RPA3: variants seen among roughly 807,000 people sequenced by gnomAD.
RPA3 encodes replication protein A 14 kDa subunit.
Under a neutral mutation model 13.7 loss-of-function variants are expected in RPA3, and 24 were observed. The observed-to-expected ratio is 1.75, with a 90% CI of 1.27 to 2.46. The LOEUF (loss-of-function observed/expected upper bound fraction) is 2.46. Ranked by LOEUF, RPA3 falls within the 30% of genes most tolerant of loss-of-function variation. The pLI, the probability that RPA3 is intolerant of heterozygous loss-of-function variation, is 0.00. For missense variants in RPA3, 183 were observed against 151.0 expected, an observed-to-expected ratio of 1.21 and a Z score of -1.11; for synonymous variants, 59 against 51.2, an observed-to-expected ratio of 1.15 and a Z score of -0.65.
intron 4 of RPA3, chr7:7,675,962 A>G (rs1445569490): frequency 2.6e-6 from 1 of 391,792 alleles, no homozygotes; most frequent in East Asian, 3.6e-5. Context: ...CATTTTCATA[A>G]AATCCTCTGT....
At chr7:7,697,220 G>A (rs1288082423) in intron 2 of RPA3, among the ~76,000 whole-genome samples, 1 of 152,120 alleles carries the variant, frequency 6.6e-6, no homozygotes, top group Non-Finnish European at 1.5e-5. Flanking sequence ...CTTTGCAACA[G>A]TCCTGATTGG....
intron 2 of RPA3, among the ~76,000 whole-genome samples, chr7:7,710,670 A>G (rs1364675560): frequency 6.6e-6 from 1 of 152,240 alleles, no homozygotes; most frequent in Non-Finnish European, 1.5e-5. Flanking sequence ...TGCAGTTACT[A>G]TACGACTCAG....
At chr7:7,717,048 C>T (rs1456013594) in intron 1 of RPA3, among the ~76,000 whole-genome samples, 1 of 149,452 alleles carries the variant, frequency 6.7e-6, no homozygotes, top group African/African-American at 2.5e-5. Flanking sequence ...CTTTTTCTTT[C>T]TTTCTTTTTT....
Position 7,640,615 on chromosome 7 carries a change from G to A in RPA3, c.-197C>T. 1.7e-6 allele frequency: 1 copy of A among 584,156 alleles called. No homozygotes were observed. Among genetic ancestry groups the A allele is most frequent in the Admixed American group, 3.1e-5 (1 of 32,698 alleles). The allele number at this position is 584,156 out of a possible 1,614,324, so 36.2% of individuals were successfully genotyped here. A position where few individuals can be genotyped will look rare whatever the true frequency, so the allele number is the denominator to read the frequency against. On this transcript the variant is annotated 5_prime_UTR_variant, in exon 5 of 8. Transcript: ENST00000223129. ...GGTGGAGAAGGGGCTGGATGAGTCC[G>A]GAAGTGGAGATTGGCTGCTTAGTGA...
Position 7,673,310 on chromosome 7 carries a change from TAGCAGCAGCAGCAGCAGCAGCAGCAGC to T in RPA3, c.-758+12493_-758+12519del. On this transcript the variant is annotated intron_variant, in intron 4 of 7. Transcript: ENST00000223129. ...CATTGTGTAATGTTTCTATTTCAGGTAGCAGCAGCAGCAGCAGCAGCAGCAGCAGCAGCAGCAGCAGCAGCAGCAGCA... is the reference window on the plus strand; with the variant it reads ...CATTGTGTAATGTTTCTATTTCAGGTAGCAGCAGCAGCAGCAGCAGCAGCA... 1.2e-3 allele frequency: 1,286 copies of T among 1,033,848 alleles called. 10 individuals carry two copies. The African/African-American group carries it at 0.017, about 14-fold the overall frequency. The allele number at this position is 1,033,848 out of a possible 1,614,324, so 64.0% of individuals were successfully genotyped here. A position where few individuals can be genotyped will look rare whatever the true frequency, so the allele number is the denominator to read the frequency against.
intron 4 of RPA3, among the ~76,000 whole-genome samples, chr7:7,647,333 G>A (rs1254356436): frequency 1.3e-5 from 2 of 152,114 alleles, no homozygotes; most frequent in African/African-American, 4.8e-5. Flanking sequence ...CTGAGGGTAT[G>A]GTTTGTCTAA....
At chr7:7,673,378 C>G (rs1445165439) in intron 4 of RPA3, 1 of 1,220,476 alleles carries the variant, frequency 8.2e-7, no homozygotes, top group East Asian at 2.6e-5. Flanking sequence ...AGCAATGTTT[C>G]ACTTCTTCAG....
Position 7,681,636 on chromosome 7 carries a change from A to C in RPA3, c.-758+4194T>G, listed in dbSNP as rs569256914. Among the ~76,000 whole-genome samples the C allele has an allele frequency of 7.9e-5, 12 of 152,244 alleles. No homozygotes were observed. In the South Asian group the frequency reaches 2.5e-3, roughly 32 times the overall value. On this transcript the variant is annotated intron_variant, in intron 4 of 7. Transcript: ENST00000223129. Reference sequence around the variant, plus strand: ...GTTGAAGTAATCCTCCAGGGTACTCATTTTACACAAAAACAAATTGCAGTT... The same window carrying C: ...GTTGAAGTAATCCTCCAGGGTACTCCTTTTACACAAAAACAAATTGCAGTT...
At chr7:7,642,343 G>A (rs1784993888) in intron 4 of RPA3, among the ~76,000 whole-genome samples, 1 of 151,050 alleles carries the variant, frequency 6.6e-6, no homozygotes, top group African/African-American at 2.4e-5. Flanking sequence ...TTGTTCAGAT[G>A]GGGCCTCGCC....
intron 4 of RPA3, among the ~76,000 whole-genome samples, chr7:7,663,811 A>G (rs1785536343): frequency 6.6e-6 from 1 of 152,192 alleles, no homozygotes; most frequent in South Asian, 2.1e-4. Flanking sequence ...ATGGATAGGA[A>G]TTACATGCAT....
Position 7,640,210 on chromosome 7 carries a change from C to CG in RPA3, c.99+109dup, listed in dbSNP as rs1001374543. On this transcript the variant is annotated intron_variant, in intron 5 of 7. Coordinates refer to ENST00000223129, the MANE Select transcript of RPA3 (RefSeq NM_002947.5). ...AGTTCCTTGTGCAAAATAAAGGAGTCGGGGGCGCAGTGATCGGAGGCTTTC... is the reference window on the plus strand; with the variant it reads ...AGTTCCTTGTGCAAAATAAAGGAGTCGGGGGGCGCAGTGATCGGAGGCTTTC... The CG allele has an allele frequency of 3.4e-6, 4 of 1,160,834 alleles. No homozygotes were observed. In the African/African-American group the frequency reaches 4.6e-5, roughly 13 times the overall value. 71.9% of individuals were successfully genotyped at this position (1,160,834 alleles called of 1,614,324 possible).
At chr7:7,695,281 C>G (rs1430997323) in intron 2 of RPA3, among the ~76,000 whole-genome samples, 1 of 152,126 alleles carries the variant, frequency 6.6e-6, no homozygotes, top group African/African-American at 2.4e-5. Flanking sequence ...CAACATTTTC[C>G]CCACCACAGT....
intron 6 of RPA3, chr7:7,638,371 T>C (rs1201227472): frequency 1.3e-5 from 2 of 153,634 alleles, no homozygotes; most frequent in African/African-American, 4.8e-5. Context: ...GTTTTAAGTA[T>C]GTTAAACATA....
intron 2 of RPA3, among the ~76,000 whole-genome samples, chr7:7,706,682 A>C (rs1248886546): frequency 3.3e-5 from 5 of 152,204 alleles, no homozygotes; most frequent in Admixed American, 3.3e-4. Flanking sequence ...TATTATTTCT[A>C]ACTCACAGAT....
At chr7:7,643,069 C>A (rs1234259680) in intron 4 of RPA3, among the ~76,000 whole-genome samples, 1 of 152,048 alleles carries the variant, frequency 6.6e-6, no homozygotes, top group African/African-American at 2.4e-5. Flanking sequence ...TCTCCCCCAA[C>A]CCACTAGAAA....
chr7:7,640,030 A>C, intron 5 of RPA3: 1 of 421,466 alleles, frequency 2.4e-6, no homozygotes, highest in Non-Finnish European at 4.3e-6. Context: ...CTGAAGGTAG[A>C]TGTGGGAGTG....
chr7:7,717,074 T>G (rs1219518392), intron 1 of RPA3, among the ~76,000 whole-genome samples: 1 of 151,000 alleles, frequency 6.6e-6, no homozygotes, highest in African/African-American at 2.4e-5. Flanking sequence ...TTTTTTTTTT[T>G]GAGACGGAGT....
chr7:7,666,104 A>AT (rs1294663337), intron 4 of RPA3, among the ~76,000 whole-genome samples: 2 of 152,192 alleles, frequency 1.3e-5, no homozygotes, highest in African/African-American at 4.8e-5. Flanking sequence ...TGGCTGTACC[A>AT]TATTACCCTT....
At chr7:7,646,733 T>C (rs1785104084) in intron 4 of RPA3, among the ~76,000 whole-genome samples, 1 of 151,980 alleles carries the variant, frequency 6.6e-6, no homozygotes, top group Admixed American at 6.6e-5. Context: ...GGCTGTCCCA[T>C]GGCCAATCTC....
Sources: gnomAD v4.1 joint callset for allele counts (sites outside exome capture counted in the v4.1 genomes callset) on GRCh38, gnomAD v4.1.1 for gene constraint, MANE v1.5 for transcripts, NCBI Gene and HGNC (gene_info 2026-07-23, HGNC 2026-07-21) for gene names.